ADGRB3: variants seen among roughly 807,000 people sequenced by gnomAD.
The protein encoded by ADGRB3 is adhesion G protein-coupled receptor B3.
In ADGRB3, 37 loss-of-function variants were observed where a neutral mutation model predicts 193.4. The observed-to-expected ratio is 0.19, with a 90% confidence interval of 0.15 to 0.25. The LOEUF (loss-of-function observed/expected upper bound fraction) is 0.25, where lower values mean the gene tolerates loss of function less well. Among genes scored for constraint, ADGRB3 ranks in the 10% least tolerant of loss-of-function variants. The pLI is 1.00. For synonymous variants in ADGRB3, 690 were observed against 644.2 expected, an observed-to-expected ratio of 1.07 and a Z score of -1.08; for missense variants, 1,637 against 1,852.9, an observed-to-expected ratio of 0.88 and a Z score of 2.14.
At chr6:68,883,671 C>A (rs189207663) in intron 3 of ADGRB3, among the ~76,000 whole-genome samples, 7 of 152,288 alleles carry the variant, frequency 4.6e-5, no homozygotes, top group Admixed American at 2.0e-4. Flanking sequence ...TGCACCTTCA[C>A]TCCTGAAGCC....
chr6:68,839,423 C>T lies in ADGRB3; in HGVS notation c.758-91136C>T, dbSNP rs144190591. 2.2e-3 allele frequency among the ~76,000 whole-genome samples: 338 copies of T among 152,284 alleles called. 1 individual carries two copies. Among genetic ancestry groups the T allele is most frequent in the African/African-American group, 7.9e-3 (327 of 41,564 alleles). On this transcript the variant is annotated intron_variant, in intron 3 of 31. Transcript: ENST00000370598. ...GCCGTATGCCAAAAGGCCAATTTTACCATTTCTATGTGGACAATGCTTACT... is the reference window on the plus strand; with the variant it reads ...GCCGTATGCCAAAAGGCCAATTTTATCATTTCTATGTGGACAATGCTTACT...
At chr6:69,153,195 A>G (rs1031048765) in intron 17 of ADGRB3, among the ~76,000 whole-genome samples, 21 of 152,314 alleles carry the variant, frequency 1.4e-4, no homozygotes, top group African/African-American at 4.8e-4. Flanking sequence ...TTTAGAGAAC[A>G]TAGTATTAGG....
At chr6:69,150,925 C>T (rs55752088) in intron 17 of ADGRB3, among the ~76,000 whole-genome samples, 18,621 of 152,172 alleles carry the variant, frequency 0.12, 1,219 homozygotes, top group Middle Eastern at 0.28. Context: ...GGAATGGGGG[C>T]CTTACAATTT....
At chr6:69,201,816 A>G (rs1032877721) in intron 17 of ADGRB3, among the ~76,000 whole-genome samples, 4 of 152,088 alleles carry the variant, frequency 2.6e-5, no homozygotes, top group African/African-American at 7.2e-5. Flanking sequence ...AACTACCTCC[A>G]GGATATTCCT....
At chr6:69,194,903 G>A (rs140050715) in intron 17 of ADGRB3, among the ~76,000 whole-genome samples, 10 of 152,232 alleles carry the variant, frequency 6.6e-5, no homozygotes, top group African/African-American at 2.2e-4. Flanking sequence ...GTAAAGTGCT[G>A]AGAACAATTC....
chr6:68,748,716 T>C (rs1766133008), intron 3 of ADGRB3, among the ~76,000 whole-genome samples: 1 of 152,138 alleles, frequency 6.6e-6, no homozygotes, highest in Non-Finnish European at 1.5e-5. Flanking sequence ...TTCTCACAGC[T>C]TCACTAGGCA....
At chr6:68,848,478 G>A (rs1021059536) in intron 3 of ADGRB3, among the ~76,000 whole-genome samples, 1 of 151,956 alleles carries the variant, frequency 6.6e-6, no homozygotes, top group Non-Finnish European at 1.5e-5. Flanking sequence ...TTTGACTTGG[G>A]AGTGAAAAGT....
chr6:69,044,042 AAAAAAC>A (rs899792598), intron 13 of ADGRB3, among the ~76,000 whole-genome samples: 9 of 152,150 alleles, frequency 5.9e-5, no homozygotes, highest in South Asian at 2.1e-4. Context: ...CTCCGTCTCA[AAAAAAC>A]AAAAACAAAA....
chr6:68,828,372 T>C (rs1472915692), intron 3 of ADGRB3, among the ~76,000 whole-genome samples: 2 of 152,196 alleles, frequency 1.3e-5, no homozygotes, highest in African/African-American at 4.8e-5. Context: ...AATGTGTTCA[T>C]ACAGAAAATG....
intron 6 of ADGRB3, among the ~76,000 whole-genome samples, chr6:68,947,496 TC>T (rs1003062997): frequency 6.6e-6 from 1 of 152,172 alleles, no homozygotes; most frequent in African/African-American, 2.4e-5. Flanking sequence ...AAGTGGACTT[TC>T]TTGACATGAA....
intron 3 of ADGRB3, among the ~76,000 whole-genome samples, chr6:68,801,491 C>A (rs760223944): frequency 9.9e-5 from 15 of 151,984 alleles, no homozygotes; most frequent in Non-Finnish European, 2.2e-4. Context: ...AGTTTCAGAC[C>A]AGCCTGGTCA....
rs148468112 is a variant in ADGRB3, at chr6:69,178,107, G to A, written c.2481-55183G>A. ...TAGAAGTACTTGTTTTATGAATCTG[G>A]GTGCTCCAATGTGGTATGCATATAT... is the stretch of plus-strand genomic sequence containing the variant. On this transcript the variant is annotated intron_variant, in intron 17 of 31. Transcript: ENST00000370598. Among the ~76,000 whole-genome samples the A allele has an allele frequency of 2.6e-3, 400 of 152,082 alleles. 2 individuals carry two copies. The highest frequency in any genetic ancestry group is 9.1e-3 in the African/African-American group (378 of 41,490).
intron 20 of ADGRB3, among the ~76,000 whole-genome samples, chr6:69,298,199 A>G (rs544113086): frequency 2.6e-5 from 4 of 152,144 alleles, no homozygotes; most frequent in Admixed American, 6.6e-5. Context: ...CAAAAAGTGA[A>G]TGCTGAGGTG....
At chr6:68,776,851 C>A (rs1766757336) in intron 3 of ADGRB3, among the ~76,000 whole-genome samples, 1 of 151,948 alleles carries the variant, frequency 6.6e-6, no homozygotes, top group East Asian at 1.9e-4. Context: ...ATGAAATAAT[C>A]AAAAAGGAAT....
Position 68,930,542 on chromosome 6 carries a change from C to G in ADGRB3, c.758-17C>G, listed in dbSNP as rs767718556. On this transcript the variant is annotated splice_polypyrimidine_tract_variant and intron_variant, in intron 3 of 31. Transcript: ENST00000370598. ...TGTCTACACACAAGCTTTCATATAC[C>G]TTTATTCTGTCTTTAGAATTTGGAA... 4 of 1,567,132 alleles carry G rather than the reference C, an allele frequency of 2.6e-6. No homozygotes were observed. The South Asian group carries it at 4.5e-5, about 18-fold the overall frequency.
At chr6:69,137,209 T>C (rs999793206) in intron 17 of ADGRB3, among the ~76,000 whole-genome samples, 3 of 152,016 alleles carry the variant, frequency 2.0e-5, no homozygotes, top group African/African-American at 7.3e-5. Context: ...CAAAGTTATT[T>C]CCTCTTGTCT....
intron 17 of ADGRB3, among the ~76,000 whole-genome samples, chr6:69,109,448 A>C (rs1773306141): frequency 6.6e-6 from 1 of 152,200 alleles, no homozygotes; most frequent in African/African-American, 2.4e-5. Context: ...TGACTCAATA[A>C]AAGTAAATAG....
At chr6:69,004,637 C>T (rs970127277) in intron 11 of ADGRB3, among the ~76,000 whole-genome samples, 4 of 145,028 alleles carry the variant, frequency 2.8e-5, no homozygotes, top group African/African-American at 1.0e-4. Flanking sequence ...TTGTTCAGTT[C>T]CCACCTATGA....
At chr6:69,114,675 T>C (rs1773473125) in intron 17 of ADGRB3, among the ~76,000 whole-genome samples, 1 of 148,734 alleles carries the variant, frequency 6.7e-6, no homozygotes, top group Admixed American at 6.7e-5. Flanking sequence ...CAACCTTGAG[T>C]TGATTTTTGT....
Sources: gnomAD v4.1 joint callset for allele counts (sites outside exome capture counted in the v4.1 genomes callset) on GRCh38, gnomAD v4.1.1 for gene constraint, MANE v1.5 for transcripts, NCBI Gene and HGNC (gene_info 2026-07-23, HGNC 2026-07-21) for gene names.